LRCH1: variants seen among roughly 807,000 people sequenced by gnomAD.
The protein encoded by LRCH1 is leucine-rich repeat and calponin homology domain-containing protein 1.
In LRCH1, 23 loss-of-function variants were observed where a neutral mutation model predicts 94.9. The ratio of observed to expected loss-of-function variants is 0.24; its 90% CI spans 0.17 to 0.34. LRCH1 has a LOEUF of 0.34. LRCH1 is among the 10% of genes least tolerant of loss of function. LRCH1 has a pLI of 1.00. For missense variants in LRCH1, 790 were observed against 945.9 expected (o/e 0.84, Z 2.16); for synonymous variants, 364 against 354.9 (o/e 1.03, Z -0.29).
At chr13:46,676,007 G>A (rs543744494) in intron 3 of LRCH1, among the ~76,000 whole-genome samples, 23 of 152,288 alleles carry the variant, frequency 1.5e-4, no homozygotes, top group East Asian at 5.8e-4. Flanking sequence ...GGCCGGGTGC[G>A]GTGGCTCATG....
At chr13:46,705,490 T>C in intron 13 of LRCH1, 186 bp downstream of exon 13, 1 of 712,376 alleles carries the variant, frequency 1.4e-6, no homozygotes, top group Non-Finnish European at 2.6e-6. Context: ...GCTTTTCTGC[T>C]ATACCTCACC....
chr13:46,641,672 T>A (rs1198027453), intron 1 of LRCH1, among the ~76,000 whole-genome samples: 1 of 152,180 alleles, frequency 6.6e-6, no homozygotes, highest in Non-Finnish European at 1.5e-5. Flanking sequence ...GGCTGCTCGA[T>A]GGCTCTGGTG....
At chr13:46,611,022 A>C (rs2050742140) in intron 1 of LRCH1, among the ~76,000 whole-genome samples, 1 of 152,210 alleles carries the variant, frequency 6.6e-6, no homozygotes, top group Non-Finnish European at 1.5e-5. Flanking sequence ...TTTGCAACCA[A>C]AGTTAGAAAC....
chr13:46,622,029 T>G (rs2050885886), intron 1 of LRCH1, among the ~76,000 whole-genome samples: 1 of 152,182 alleles, frequency 6.6e-6, no homozygotes, highest in Non-Finnish European at 1.5e-5. Flanking sequence ...TATTCTTCCT[T>G]ATGTAATAGA....
chr13:46,649,271 C>T (rs2051261625), intron 1 of LRCH1, among the ~76,000 whole-genome samples: 1 of 152,100 alleles, frequency 6.6e-6, no homozygotes, highest in South Asian at 2.1e-4. Context: ...CTGTTTGAGT[C>T]TCTTCTGATA....
rs75964091 is a variant in LRCH1 at position 46,731,715 on chromosome 13, C to A, written c.2008-2206C>A. 2.1e-3 allele frequency among the ~76,000 whole-genome samples: 313 copies of A among 152,296 alleles called. 1 individual carries two copies. The highest frequency in any genetic ancestry group is 7.2e-3 in the African/African-American group (298 of 41,566). ...TGGACCAGGCCCAGCCACGCTGTAG[C>A]CGTAGAACCTGCTTTCCTTCTTTCT... On this transcript the variant is annotated intron_variant, in intron 18 of 19. Coordinates refer to ENST00000389797, the MANE Select transcript of LRCH1 (RefSeq NM_001164211.2).
intron 1 of LRCH1, among the ~76,000 whole-genome samples, chr13:46,644,100 C>T (rs2051191904): frequency 6.6e-6 from 1 of 152,110 alleles, no homozygotes; most frequent in South Asian, 2.1e-4. Flanking sequence ...CTTTATCCAT[C>T]GTTAGCGTTG....
At chr13:46,694,519 C>A (rs1383094466) in intron 8 of LRCH1, among the ~76,000 whole-genome samples, 1 of 152,102 alleles carries the variant, frequency 6.6e-6, no homozygotes, top group Non-Finnish European at 1.5e-5. Flanking sequence ...ATAATACCTG[C>A]CATTTAGTAG....
At chr13:46,586,516 A>G (rs1464205801) in intron 1 of LRCH1, among the ~76,000 whole-genome samples, 1 of 152,196 alleles carries the variant, frequency 6.6e-6, no homozygotes, top group Non-Finnish European at 1.5e-5. Context: ...CCCCAGGCTC[A>G]AGGGATCCTC....
At chr13:46,657,441 TCAC>T (rs915702398) in intron 2 of LRCH1, among the ~76,000 whole-genome samples, 2 of 144,364 alleles carry the variant, frequency 1.4e-5, no homozygotes. Context: ...TTGGGGATCA[TCAC>T]CACCACCACT....
intron 17 of LRCH1, among the ~76,000 whole-genome samples, chr13:46,724,134 G>A (rs746017272): frequency 7.5e-4 from 114 of 152,170 alleles, no homozygotes; most frequent in Non-Finnish European, 1.5e-3. Flanking sequence ...GATTACAGGT[G>A]TGCACCACCA....
intron 5 of LRCH1, 31 bp downstream of exon 5, chr13:46,686,072 C>T (rs1333347482): frequency 1.3e-6 from 2 of 1,488,096 alleles, no homozygotes; most frequent in South Asian, 3.0e-5. Context: ...GCCAATGCCC[C>T]ATGGGATGTG....
chr13:46,705,387 C>A (rs1397413523), intron 13 of LRCH1, 83 bp downstream of exon 13: 3 of 1,216,076 alleles, frequency 2.5e-6, no homozygotes, highest in South Asian at 1.2e-5. Context: ...AAAGATTTGT[C>A]AGGGAGTGAA....
In LRCH1 at chr13:46,741,819, A is replaced by G; in HGVS notation, c.2263A>G (p.Thr755Ala). The G allele has an allele frequency of 6.2e-7, 1 of 1,614,118 alleles. No homozygotes were observed. Among genetic ancestry groups the G allele is most frequent in the Non-Finnish European group, 8.5e-7 (1 of 1,180,014 alleles). The change falls in exon 20 of 20, where the codon ACT becomes GCT. Residue 755 changes from threonine (T) to alanine (A), a missense_variant. Thr to Ala is a moderately conservative substitution (Grantham distance 58, BLOSUM62 0). This residue lies in a region of LRCH1 where 460 missense variants were observed against 508.9 expected (regional missense o/e 0.90). Transcript: ENST00000389797. ...TCTCTTTATAGTGCTGGTCTATATC[A>G]CTTACCACTGGAATGCTCTGTCCGC... ...HILFIVLVYI[T>A]YHWNALSA
Position 46,743,539 on chromosome 13 carries a change from G to A in LRCH1, c.*1691G>A, listed in dbSNP as rs1029332931. 18 of 985,638 alleles carry A rather than the reference G, an allele frequency of 1.8e-5. No individual in the cohort carries two copies. Among genetic ancestry groups the A allele is most frequent in the Non-Finnish European group, 1.9e-5 (16 of 829,898 alleles). 61.1% of individuals were successfully genotyped at this position (985,638 alleles called of 1,614,324 possible). The stretch of plus-strand genomic sequence containing the variant: ...GTAACACAATAAAATCCCTTTGTAC[G>A]ATGTCTAATGAGCACCCTGAGCCAT... On this transcript the variant is annotated 3_prime_UTR_variant, in exon 20 of 20. Transcript: ENST00000389797.
intron 12 of LRCH1, 48 bp from the exon 13 acceptor site, chr13:46,705,220 C>A (rs1871691754): frequency 6.3e-7 from 1 of 1,581,438 alleles, no homozygotes; most frequent in Non-Finnish European, 8.6e-7. Context: ...CATTTCTATG[C>A]TTTAAATTTC....
chr13:46,590,986 C>T (rs1386822957), intron 1 of LRCH1, among the ~76,000 whole-genome samples: 1 of 151,068 alleles, frequency 6.6e-6, no homozygotes, highest in African/African-American at 2.4e-5. Context: ...TTTTTTTTCC[C>T]CCTGTAAGTT....
chr13:46,601,045 C>T (rs1337056329), intron 1 of LRCH1, among the ~76,000 whole-genome samples: 1 of 152,216 alleles, frequency 6.6e-6, no homozygotes, highest in Non-Finnish European at 1.5e-5. Context: ...TTGGGGAACT[C>T]AGCAGTATGG....
intron 13 of LRCH1, among the ~76,000 whole-genome samples, chr13:46,706,999 TACAC>T (rs1338661429): frequency 2.0e-5 from 3 of 152,214 alleles, no homozygotes; most frequent in African/African-American, 7.2e-5. Flanking sequence ...ATTTTTATCT[TACAC>T]AATCAATTTC....
Sources: allele counts gnomAD v4.1 joint callset (sites outside exome capture counted in the v4.1 genomes callset), GRCh38; gene constraint gnomAD v4.1.1; regional missense constraint gnomAD v4.1.1; transcripts MANE v1.5; gene names NCBI Gene and HGNC (gene_info 2026-07-23, HGNC 2026-07-21).